Variants in GIGYF2 observed in about 807,000 individuals in gnomAD.
GIGYF2 encodes the protein GRB10-interacting GYF protein 2.
In GIGYF2, 25 loss-of-function variants were observed where a neutral mutation model predicts 208.1. The observed-to-expected ratio is 0.12, with a 90% confidence interval of 0.09 to 0.17. The LOEUF (loss-of-function observed/expected upper bound fraction) is 0.17. Among genes scored for constraint, GIGYF2 ranks in the 10% least tolerant of loss-of-function variants. The pLI, the probability that GIGYF2 is intolerant of heterozygous loss-of-function variation, is 1.00. For missense variants in GIGYF2, 1,302 were observed against 1,579.4 expected, an observed-to-expected ratio of 0.82 and a Z score of 2.98; for synonymous variants, 534 against 543.8, an observed-to-expected ratio of 0.98 and a Z score of 0.25.
At chr2:232,736,568 C>T (rs867725250) in intron 3 of GIGYF2, 8 of 151,912 alleles carry the variant, frequency 5.3e-5, no homozygotes, top group Non-Finnish European at 1.2e-4. Context: ...ATGGATGTAC[C>T]ATCATTTATT....
At chr2:232,736,136 T>C (rs147312796) in intron 3 of GIGYF2, 3 of 974,928 alleles carry the variant, frequency 3.1e-6, no homozygotes, top group Non-Finnish European at 3.7e-6. Flanking sequence ...TTAACCTTTA[T>C]AGCCAGCATT....
At chr2:232,723,427 CTTTTCT>C (rs1277937223) in intron 2 of GIGYF2, among the ~76,000 whole-genome samples, 3 of 142,184 alleles carry the variant, frequency 2.1e-5, no homozygotes, top group African/African-American at 7.8e-5. Context: ...AGATTCTTTT[CTTTTCT>C]TTTTTTTTTT....
chr2:232,756,966 A>G (rs929658606), intron 6 of GIGYF2, among the ~76,000 whole-genome samples: 3 of 152,188 alleles, frequency 2.0e-5, no homozygotes, highest in African/African-American at 4.8e-5. Flanking sequence ...TGTAATATGA[A>G]TATTTGCTTA....
intron 2 of GIGYF2, among the ~76,000 whole-genome samples, chr2:232,723,818 C>T (rs749321435): frequency 2.7e-5 from 4 of 149,202 alleles, no homozygotes; most frequent in Non-Finnish European, 4.5e-5. Context: ...CCGCAACCTC[C>T]GCCTCCCGGG....
chr2:232,782,514 A>G (rs776559069), intron 8 of GIGYF2, among the ~76,000 whole-genome samples: 11 of 152,234 alleles, frequency 7.2e-5, no homozygotes, highest in East Asian at 1.9e-4. Flanking sequence ...TAGAAGCACA[A>G]TTCTTATGAT....
chr2:232,807,185 T>C (rs1700585838), intron 15 of GIGYF2, among the ~76,000 whole-genome samples: 1 of 152,118 alleles, frequency 6.6e-6, no homozygotes, highest in African/African-American at 2.4e-5. Context: ...TTCACAATAT[T>C]TTTAGGGCTT....
intron 21 of GIGYF2, among the ~76,000 whole-genome samples, chr2:232,828,079 C>T (rs1424842071): frequency 6.6e-6 from 1 of 152,036 alleles, no homozygotes; most frequent in African/African-American, 2.4e-5. Context: ...GCCTTTATGT[C>T]CCTGGGCTCA....
chr2:232,834,692 T>C (rs183263405), intron 22 of GIGYF2, among the ~76,000 whole-genome samples: 1 of 152,366 alleles, frequency 6.6e-6, no homozygotes, highest in East Asian at 1.9e-4. Context: ...ATGCACTTCA[T>C]GCACTTAATG....
intron 21 of GIGYF2, among the ~76,000 whole-genome samples, chr2:232,828,237 T>C (rs1482885709): frequency 6.6e-6 from 1 of 152,208 alleles, no homozygotes; most frequent in Admixed American, 6.5e-5. Flanking sequence ...TCAGCCTGCC[T>C]TGGCCTCCCA....
intron 5 of GIGYF2, among the ~76,000 whole-genome samples, chr2:232,755,817 T>C (rs529203284): frequency 1.3e-5 from 2 of 152,226 alleles, no homozygotes; most frequent in Admixed American, 6.5e-5. Flanking sequence ...TAACTCCCTT[T>C]CATTTCCACT....
At chr2:232,801,093 T>C (rs1457625405) in intron 14 of GIGYF2, among the ~76,000 whole-genome samples, 1 of 152,174 alleles carries the variant, frequency 6.6e-6, no homozygotes, top group African/African-American at 2.4e-5. Context: ...AAATTCTTGC[T>C]ATGTTGACCA....
chr2:232,781,884 G>GT, intron 8 of GIGYF2, among the ~76,000 whole-genome samples: 1 of 152,238 alleles, frequency 6.6e-6, no homozygotes, highest in East Asian at 1.9e-4. Context: ...TGACTCAGCT[G>GT]TGTGGCCTTG....
intron 26 of GIGYF2, among the ~76,000 whole-genome samples, chr2:232,846,844 C>G (rs1702021765): frequency 6.6e-6 from 1 of 152,182 alleles, no homozygotes; most frequent in South Asian, 2.1e-4. Flanking sequence ...CAGCAAATTT[C>G]AGAGTCAGGT....
chr2:232,773,187 C>T (rs540446298), intron 8 of GIGYF2, among the ~76,000 whole-genome samples: 1 of 152,190 alleles, frequency 6.6e-6, no homozygotes, highest in East Asian at 1.9e-4. Flanking sequence ...TTTTTCTTGG[C>T]ATAGCTACTT....
chr2:232,788,531 G>A (rs1559432617), intron 9 of GIGYF2: 1 of 470,046 alleles, frequency 2.1e-6, no homozygotes, highest in Non-Finnish European at 4.4e-6. Flanking sequence ...ATTCAGTGAA[G>A]AATGGATAGG....
chr2:232,790,581 A>G (rs1700040708), intron 9 of GIGYF2, 117 bp from the exon 10 acceptor site: 1 of 836,440 alleles, frequency 1.2e-6, no homozygotes, highest in Non-Finnish European at 2.1e-6. Context: ...TTACTAGGTC[A>G]GTCCATTTGA....
rs182022548 is a variant in GIGYF2 at position 232,751,705 on chromosome 2, C to G, written c.267+2623C>G. On this transcript the variant is annotated intron_variant, in intron 5 of 28. Coordinates refer to ENST00000373563, the MANE Select transcript of GIGYF2 (RefSeq NM_001103146.3). ...TCAGAAGAGGGAAGAGGACATGCTA[C>G]TAGTTACCAAAATGTGGTAGACTTT... 7.2e-5 allele frequency among the ~76,000 whole-genome samples: 11 copies of G among 152,252 alleles called. No homozygotes were observed. In the East Asian group the frequency reaches 7.7e-4, roughly 11 times the overall value.
chr2:232,732,983 G>A (rs1697570100), intron 2 of GIGYF2, among the ~76,000 whole-genome samples: 1 of 151,692 alleles, frequency 6.6e-6, no homozygotes, highest in Non-Finnish European at 1.5e-5. Context: ...GGGGCGGGGC[G>A]CAGTGGCTCA....
chr2:232,756,490 A>G (rs1467841986), intron 6 of GIGYF2, among the ~76,000 whole-genome samples, 156 bp downstream of exon 6: 1 of 152,200 alleles, frequency 6.6e-6, no homozygotes, highest in Non-Finnish European at 1.5e-5. Flanking sequence ...ACCATTTTTT[A>G]GAGGTATCTC....
Sources: allele counts gnomAD v4.1 joint callset (sites outside exome capture counted in the v4.1 genomes callset), GRCh38; gene constraint gnomAD v4.1.1; transcripts MANE v1.5; gene names NCBI Gene and HGNC (gene_info 2026-07-23, HGNC 2026-07-21).